NAALADL2: variants seen among roughly 807,000 people sequenced by gnomAD.
NAALADL2 encodes inactive N-acetylated-alpha-linked acidic dipeptidase-like protein 2.
A neutral mutation model predicts 87.2 loss-of-function variants in NAALADL2; 76 were observed. The ratio of observed to expected loss-of-function variants is 0.87; its 90% confidence interval spans 0.72 to 1.05. The LOEUF is 1.05. NAALADL2 is among the 50% of genes least tolerant of loss of function. The pLI, the probability that NAALADL2 is intolerant of heterozygous loss-of-function variation, is 0.00. For synonymous variants in NAALADL2, 354 were observed against 331.0 expected, an observed-to-expected ratio of 1.07 and a Z score of -0.75; for missense variants, 1,089 against 945.8, an observed-to-expected ratio of 1.15 and a Z score of -1.99.
In NAALADL2 at chr3:174,909,116, C is replaced by T. The variant is rs374664069; in HGVS notation, c.43+49666C>T. Among the ~76,000 whole-genome samples the T allele has an allele frequency of 3.9e-5, 6 of 152,092 alleles. No individual in the cohort carries two copies. In the South Asian group the frequency reaches 6.2e-4, roughly 16 times the overall value. Reference sequence around the variant, plus strand: ...ATTAGCTAAATTTATAGGCTAGGCACGGTGGCTCACACCTGTAATCCCAGG... The same window carrying T: ...ATTAGCTAAATTTATAGGCTAGGCATGGTGGCTCACACCTGTAATCCCAGG... On this transcript the variant is annotated intron_variant, in intron 1 of 13. Transcript: ENST00000454872.
chr3:174,529,279 C>T (rs1317559382), intron 1 of NAALADL2, among the ~76,000 whole-genome samples: 2 of 152,228 alleles, frequency 1.3e-5, no homozygotes, highest in Non-Finnish European at 2.9e-5. Flanking sequence ...ATCTTTGACT[C>T]CATGTCTCAC....
At chr3:174,807,856 A>C (rs1719683765) in intron 3 of NAALADL2, among the ~76,000 whole-genome samples, 1 of 126,062 alleles carries the variant, frequency 7.9e-6, no homozygotes, top group Non-Finnish European at 1.7e-5. Context: ...TTTGCTTATC[A>C]CTATTATTTT....
At chr3:175,097,614 A>G (rs920750878) in intron 2 of NAALADL2, among the ~76,000 whole-genome samples, 6 of 152,142 alleles carry the variant, frequency 3.9e-5, no homozygotes, top group African/African-American at 1.4e-4. Flanking sequence ...TGCCAGATAT[A>G]CAGGTAATAA....
At chr3:174,987,360 G>A (rs1453108263) in intron 1 of NAALADL2, among the ~76,000 whole-genome samples, 1 of 151,128 alleles carries the variant, frequency 6.6e-6, no homozygotes, top group East Asian at 2.0e-4. Flanking sequence ...ACGAGGTCAG[G>A]AGATCGAGAC....
rs868846781 is a variant in NAALADL2, at chr3:175,428,940, A to G, written c.1091-18289A>G. Among the ~76,000 whole-genome samples, 4 of 152,100 alleles carry G rather than the reference A, an allele frequency of 2.6e-5. No homozygotes were observed. In the Middle Eastern group the frequency reaches 0.01, roughly 388 times the overall value. On this transcript the variant is annotated intron_variant, in intron 5 of 13. Transcript: ENST00000454872. ...CCTTACTCAGCATGTTTTAGAACCT[A>G]ACAGTTTTGATTGCTTGTGGTTACA...
intron 9 of NAALADL2, 22 bp downstream of exon 9, chr3:175,471,780 T>A: frequency 6.4e-7 from 1 of 1,574,186 alleles, no homozygotes; most frequent in Non-Finnish European, 8.6e-7. Context: ...CACTATTGTA[T>A]CAAATGATTA....
intron 1 of NAALADL2, among the ~76,000 whole-genome samples, chr3:174,982,365 A>T (rs1745234929): frequency 6.6e-6 from 1 of 152,188 alleles, no homozygotes; most frequent in African/African-American, 2.4e-5. Context: ...TTAAAAAAAA[A>T]AGCTAATCAA....
At chr3:175,667,277 TG>T (rs1248176119) in intron 11 of NAALADL2, among the ~76,000 whole-genome samples, 2 of 148,168 alleles carry the variant, frequency 1.3e-5, no homozygotes, top group African/African-American at 5.1e-5. Context: ...AAGGAAGGGA[TG>T]GGGATCTGAA....
chr3:175,507,492 G>A (rs143953924), intron 9 of NAALADL2, among the ~76,000 whole-genome samples: 171 of 151,486 alleles, frequency 1.1e-3, no homozygotes, highest in African/African-American at 3.5e-3. Context: ...GTGTGATCTC[G>A]GCTCACTGCA....
At chr3:175,349,090 A>G (rs796727773) in intron 5 of NAALADL2, among the ~76,000 whole-genome samples, 4 of 151,992 alleles carry the variant, frequency 2.6e-5, no homozygotes, top group African/African-American at 7.2e-5. Context: ...TTGTTGTACT[A>G]TGGATATATA....
rs536925826 is a variant in NAALADL2, at chr3:174,886,589, A to G, written c.43+27139A>G. On this transcript the variant is annotated intron_variant, in intron 1 of 13. Coordinates refer to ENST00000454872, the MANE Select transcript of NAALADL2 (RefSeq NM_207015.3). The stretch of plus-strand genomic sequence containing the variant: ...ACCAAGGAAAGAAGAGTTAAGAATG[A>G]TTCATTTTATCACCATTTTTACTGG... 4.5e-4 allele frequency among the ~76,000 whole-genome samples: 69 copies of G among 152,308 alleles called. 1 individual carries two copies. In the South Asian group the frequency reaches 0.011, roughly 23 times the overall value.
At chr3:175,057,198 TAGAC>T (rs1193005985) in intron 1 of NAALADL2, among the ~76,000 whole-genome samples, 11 of 152,116 alleles carry the variant, frequency 7.2e-5, no homozygotes, top group African/African-American at 2.2e-4. Context: ...AGGGAAAAAA[TAGAC>T]AGAAAAATAA....
intron 13 of NAALADL2, among the ~76,000 whole-genome samples, chr3:175,768,664 A>C (rs1749072042): frequency 6.6e-6 from 1 of 152,184 alleles, no homozygotes; most frequent in Non-Finnish European, 1.5e-5. Context: ...AGCATGGCTA[A>C]CATGGCGAAA....
chr3:175,550,204 T>C (rs1714112972), intron 9 of NAALADL2, among the ~76,000 whole-genome samples: 2 of 152,146 alleles, frequency 1.3e-5, no homozygotes, highest in African/African-American at 4.8e-5. Context: ...TCAGAAAATA[T>C]ACTGTCAACA....
chr3:175,264,158 A>G (rs562451872), intron 4 of NAALADL2, among the ~76,000 whole-genome samples: 5 of 151,820 alleles, frequency 3.3e-5, no homozygotes, highest in Non-Finnish European at 5.9e-5. Flanking sequence ...GCTCAATTTC[A>G]AGCTCTTCTA....
intron 5 of NAALADL2, among the ~76,000 whole-genome samples, chr3:175,433,385 ATCTAGAC>A (rs959516693): frequency 2.6e-5 from 4 of 152,078 alleles, no homozygotes; most frequent in Non-Finnish European, 5.9e-5. Flanking sequence ...AATGTGAATA[ATCTAGAC>A]TTTTGTTCAA....
At chr3:175,444,699 T>G (rs1048486712) in intron 5 of NAALADL2, among the ~76,000 whole-genome samples, 2 of 152,164 alleles carry the variant, frequency 1.3e-5, no homozygotes, top group Non-Finnish European at 2.9e-5. Flanking sequence ...ATATAGCCAC[T>G]TGTGGTTCCA....
chr3:175,508,559 C>T (rs752146502), intron 9 of NAALADL2, among the ~76,000 whole-genome samples: 5 of 152,080 alleles, frequency 3.3e-5, no homozygotes, highest in African/African-American at 1.2e-4. Context: ...TTTTGACATG[C>T]AAAAACAGCA....
At chr3:174,525,644 AG>A (rs148943375) in intron 1 of NAALADL2, among the ~76,000 whole-genome samples, 2,203 of 152,296 alleles carry the variant, frequency 0.014, 53 homozygotes, top group African/African-American at 0.051. Flanking sequence ...GATTAATCAT[AG>A]CTGTATTTTT....
Sources: gnomAD v4.1 joint callset for allele counts (sites outside exome capture counted in the v4.1 genomes callset) on GRCh38, gnomAD v4.1.1 for gene constraint, MANE v1.5 for transcripts, NCBI Gene and HGNC (gene_info 2026-07-23, HGNC 2026-07-21) for gene names.